Variants in HSD17B12 observed in about 807,000 individuals in gnomAD.
HSD17B12 encodes the protein hydroxysteroid 17-beta dehydrogenase 12, also known as very-long-chain 3-oxoacyl-CoA reductase.
A neutral mutation model predicts 39.3 loss-of-function variants in HSD17B12; 32 were observed. That is an observed-to-expected ratio of 0.81 (90% CI 0.61 to 1.09). HSD17B12 has a LOEUF of 1.09. Among genes scored for constraint, HSD17B12 ranks in the 50% least tolerant of loss-of-function variants. HSD17B12 has a pLI of 0.00. For missense variants in HSD17B12, 342 were observed against 382.9 expected (o/e 0.89, Z 0.89); for synonymous variants, 150 against 146.7 (o/e 1.02, Z -0.16).
At chr11:43,678,939 A>G (rs539094019), upstream of HSD17B12, among the ~76,000 whole-genome samples, 368 of 152,276 alleles carry the variant, frequency 2.4e-3, 1 homozygote, top group African/African-American at 8.1e-3. Flanking sequence ...GTTCCATATG[A>G]ACTTTAAAGT....
At chr11:43,636,006 G>T in the HSD17B12 span, among the ~76,000 whole-genome samples, 1 of 152,144 alleles carries the variant, frequency 6.6e-6, no homozygotes, top group African/African-American at 2.4e-5. Context: ...AGCTTCAATG[G>T]TGTTGACTTT....
the HSD17B12 span, among the ~76,000 whole-genome samples, chr11:43,652,899 A>G: frequency 5.9e-4 from 89 of 152,126 alleles, no homozygotes; most frequent in African/African-American, 2.0e-3. Flanking sequence ...TAATACTAAT[A>G]AGATCATACT....
intron 1 of HSD17B12, among the ~76,000 whole-genome samples, chr11:43,722,134 T>C (rs1438661921): frequency 6.6e-6 from 1 of 152,112 alleles, no homozygotes; most frequent in Non-Finnish European, 1.5e-5. Flanking sequence ...AAATGGGTGG[T>C]CCCATGGGGA....
chr11:43,757,679 A>G (rs1415493616), intron 3 of HSD17B12, among the ~76,000 whole-genome samples: 9 of 143,754 alleles, frequency 6.3e-5, no homozygotes, highest in Non-Finnish European at 1.2e-4. Context: ...AAATAGGTAA[A>G]AAACAAACAA....
chr11:43,739,466 T>C (rs1282340192), intron 1 of HSD17B12, among the ~76,000 whole-genome samples: 1 of 152,224 alleles, frequency 6.6e-6, no homozygotes, highest in Admixed American at 6.5e-5. Flanking sequence ...ATCAAGGTGC[T>C]GGTAAGTTCA....
chr11:43,811,934 CT>C (rs1171578454), intron 4 of HSD17B12, among the ~76,000 whole-genome samples: 1 of 152,120 alleles, frequency 6.6e-6, no homozygotes, highest in African/African-American at 2.4e-5. Context: ...ATGAGACCAA[CT>C]TTTTTAGCTC....
At chr11:43,715,472 A>G (rs1950112691) in intron 1 of HSD17B12, among the ~76,000 whole-genome samples, 1 of 152,326 alleles carries the variant, frequency 6.6e-6, no homozygotes, top group East Asian at 1.9e-4. Context: ...CCAGGGATGA[A>G]GCCCACTTGA....
chr11:43,799,411 C>G (rs1376498470), intron 4 of HSD17B12, among the ~76,000 whole-genome samples: 1 of 152,022 alleles, frequency 6.6e-6, no homozygotes, highest in Non-Finnish European at 1.5e-5. Flanking sequence ...TTTGTTACAT[C>G]TCAGCTACCT....
chr11:43,847,966 C>T (rs1210057360), intron 9 of HSD17B12, among the ~76,000 whole-genome samples: 2 of 152,058 alleles, frequency 1.3e-5, no homozygotes, highest in East Asian at 1.9e-4. Flanking sequence ...ATTTTTGTTA[C>T]AGTATTTTAT....
chr11:43,719,033 G>C (rs1316029263), intron 1 of HSD17B12: 1 of 931,788 alleles, frequency 1.1e-6, no homozygotes, highest in East Asian at 2.4e-5. Flanking sequence ...CTATGACATT[G>C]ATGTGGCCAA....
At chr11:43,746,429 G>T (rs1950413182) in intron 1 of HSD17B12, among the ~76,000 whole-genome samples, 3 of 151,626 alleles carry the variant, frequency 2.0e-5, no homozygotes, top group East Asian at 1.9e-4. Flanking sequence ...CACTGGCCTG[G>T]GCCTACACCA....
intron 7 of HSD17B12, among the ~76,000 whole-genome samples, chr11:43,835,392 CA>C (rs1285640381): frequency 6.6e-6 from 1 of 152,146 alleles, no homozygotes. Context: ...ACATAGAGAA[CA>C]GATACTGTAT....
At chr11:43,636,775 A>C in the HSD17B12 span, among the ~76,000 whole-genome samples, 601 of 152,208 alleles carry the variant, frequency 3.9e-3, 3 homozygotes, top group South Asian at 0.017. Flanking sequence ...TTGTTTGTTT[A>C]ATTTTTTCAA....
Position 43,831,183 on chromosome 11 carries a change from G to T in HSD17B12, c.536+173G>T. 2.1e-6 allele frequency: 1 copy of T among 478,104 alleles called. No homozygotes were observed. Among genetic ancestry groups the T allele is most frequent in the East Asian group, 3.6e-5 (1 of 27,734 alleles). The allele number at this position is 478,104 out of a possible 1,614,324, so 29.6% of individuals were successfully genotyped here. On this transcript the variant is annotated intron_variant, in intron 7 of 10. Transcript: ENST00000278353. The surrounding 1 kb of genome is among the most constrained non-coding windows in gnomAD (Gnocchi z 4.1). ...AGTAGAGCATGAGTCATCGGTGGTG[G>T]AGGCCTTTTCCACTCGATTCCCTTT...
chr11:43,661,568 T>G, the HSD17B12 span, among the ~76,000 whole-genome samples: 1 of 152,180 alleles, frequency 6.6e-6, no homozygotes, highest in African/African-American at 2.4e-5. Context: ...ATCCCAACAC[T>G]TAGGGAGGCA....
intron 9 of HSD17B12, chr11:43,853,787 CA>C (rs1317436302): frequency 2.3e-4 from 32 of 140,722 alleles, no homozygotes; most frequent in East Asian, 4.1e-4. Context: ...AACCCTGCCT[CA>C]AAAAAAAAAG....
chr11:43,621,010 TA>T, the HSD17B12 span, among the ~76,000 whole-genome samples: 1 of 152,182 alleles, frequency 6.6e-6, no homozygotes, highest in Non-Finnish European at 1.5e-5. Flanking sequence ...AATATCAAGT[TA>T]ATTTTACTTT....
At chr11:43,695,338 G>A (rs1012273596) in intron 1 of HSD17B12, among the ~76,000 whole-genome samples, 1 of 152,086 alleles carries the variant, frequency 6.6e-6, no homozygotes, top group Admixed American at 6.6e-5. Flanking sequence ...CAGCATTTTC[G>A]GAGGCCGAGG....
At chr11:43,851,620 A>T (rs1391647301) in intron 9 of HSD17B12, among the ~76,000 whole-genome samples, 2 of 152,194 alleles carry the variant, frequency 1.3e-5, no homozygotes, top group African/African-American at 2.4e-5. Flanking sequence ...AATTTTCTGG[A>T]TCATAGCAGT....
Sources: gnomAD v4.1 joint callset for allele counts (sites outside exome capture counted in the v4.1 genomes callset) on GRCh38, gnomAD v4.1.1 for gene constraint, Gnocchi (gnomAD v3.1) non-coding constraint, MANE v1.5 for transcripts, NCBI Gene and HGNC (gene_info 2026-07-23, HGNC 2026-07-21) for gene names.